SYNPR: variants seen among roughly 807,000 people sequenced by gnomAD.
SYNPR encodes the protein synaptoporin.
Under a neutral mutation model 32.9 loss-of-function variants are expected in SYNPR, and 23 were observed. The observed-to-expected ratio is 0.70, with a 90% CI of 0.50 to 0.99. SYNPR has a LOEUF of 0.99. SYNPR is among the 50% of genes least tolerant of loss of function. SYNPR has a pLI of 0.00. For synonymous variants in SYNPR, 146 were observed against 135.9 expected (o/e 1.07, Z -0.52); for missense variants, 318 against 349.3 (o/e 0.91, Z 0.71).
At chr3:63,448,176 G>C (rs1419220146) in intron 2 of SYNPR, among the ~76,000 whole-genome samples, 1 of 152,120 alleles carries the variant, frequency 6.6e-6, no homozygotes, top group Non-Finnish European at 1.5e-5. Flanking sequence ...GCTAATTTGT[G>C]TATTATTAGT....
chr3:63,522,285 C>T (rs557892376), intron 3 of SYNPR, among the ~76,000 whole-genome samples: 1 of 152,138 alleles, frequency 6.6e-6, no homozygotes, highest in African/African-American at 2.4e-5. Flanking sequence ...TCACTTTATC[C>T]AAGGAATTTC....
intron 2 of SYNPR, among the ~76,000 whole-genome samples, chr3:63,387,352 G>A (rs1347696665): frequency 6.6e-6 from 1 of 152,088 alleles, no homozygotes; most frequent in Admixed American, 6.6e-5. Context: ...AAATCTGTGA[G>A]GTCCGTAAAT....
chr3:63,562,554 T>C (rs898036385), intron 4 of SYNPR, among the ~76,000 whole-genome samples: 2 of 152,136 alleles, frequency 1.3e-5, no homozygotes, highest in African/African-American at 4.8e-5. Context: ...AGGCAAACAG[T>C]GGTATCACGG....
At chr3:63,264,593 A>G (rs2086465215) in intron 2 of SYNPR, among the ~76,000 whole-genome samples, 1 of 152,160 alleles carries the variant, frequency 6.6e-6, no homozygotes, top group South Asian at 2.1e-4. Flanking sequence ...AGGGCCTAAT[A>G]TTTTTGTTTT....
rs769571370 is a variant in SYNPR, at chr3:63,480,877, G to C, written c.130G>C (p.Gly44Arg). Residue 44 changes from glycine to arginine, a missense_variant, in exon 3 of 6, where the codon GGC becomes CGC. Physicochemically the swap from Gly to Arg is moderately radical, Grantham distance 125. Coordinates refer to ENST00000478300, the MANE Select transcript of SYNPR (RefSeq NM_001130003.2). ...TGCAACATGCGGTGGCTATTCTGGA[G>C]GCCTGCGGCTGAGTGTGGACTGCGT... is the stretch of plus-strand genomic sequence containing the variant. ...AFATCGGYSGGLRLSVDCVNK... is the reference protein window; with the variant it reads ...AFATCGGYSGRLRLSVDCVNK... The C allele has an allele frequency of 6.2e-7, 1 of 1,613,482 alleles. No individual in the cohort carries two copies. The highest frequency in any genetic ancestry group is 8.5e-7 in the Non-Finnish European group (1 of 1,179,638).
intron 2 of SYNPR, among the ~76,000 whole-genome samples, chr3:63,310,765 A>C (rs1299529869): frequency 1.3e-5 from 2 of 151,956 alleles, no homozygotes; most frequent in Non-Finnish European, 2.9e-5. Flanking sequence ...CCAGCCCTAG[A>C]ACAAGGTGTG....
upstream of SYNPR, among the ~76,000 whole-genome samples, chr3:63,277,808 C>T (rs1046855203): frequency 3.6e-4 from 55 of 152,206 alleles, no homozygotes; most frequent in Non-Finnish European, 6.5e-4. Context: ...TATTTTTCCC[C>T]TTTTGCTTCC....
chr3:63,513,456 T>G (rs530003110), intron 3 of SYNPR, among the ~76,000 whole-genome samples: 4 of 152,270 alleles, frequency 2.6e-5, no homozygotes, highest in African/African-American at 7.2e-5. Flanking sequence ...AGATCCCACT[T>G]TGTCCTTTTT....
intron 2 of SYNPR, among the ~76,000 whole-genome samples, chr3:63,329,536 A>T (rs2087203196): frequency 1.3e-5 from 2 of 152,212 alleles, no homozygotes; most frequent in African/African-American, 4.8e-5. Flanking sequence ...AATTAGAGAA[A>T]ATCTCAAAAT....
chr3:63,481,943 T>A (rs1559512564), intron 3 of SYNPR, among the ~76,000 whole-genome samples: 1 of 152,120 alleles, frequency 6.6e-6, no homozygotes, highest in East Asian at 1.9e-4. Flanking sequence ...CACTAAGAGA[T>A]GTGGCAGGAG....
chr3:63,270,530 A>G (rs2086525747), intron 3 of SYNPR, among the ~76,000 whole-genome samples: 1 of 152,190 alleles, frequency 6.6e-6, no homozygotes, highest in Non-Finnish European at 1.5e-5. Flanking sequence ...TAAAAGCCTC[A>G]TCAATATCTT....
chr3:63,223,693 T>G (rs1215687078), upstream of SYNPR, among the ~76,000 whole-genome samples: 1 of 152,236 alleles, frequency 6.6e-6, no homozygotes, highest in Admixed American at 6.5e-5. Flanking sequence ...CCATGTTATA[T>G]GTGCTATGCA....
At chr3:63,329,619 A>G (rs1322618883) in intron 2 of SYNPR, among the ~76,000 whole-genome samples, 1 of 152,152 alleles carries the variant, frequency 6.6e-6, no homozygotes, top group East Asian at 1.9e-4. Context: ...ACGTCTTAAG[A>G]CTATTTTTAC....
At chr3:63,611,255 C>T (rs772256989) in intron 5 of SYNPR, among the ~76,000 whole-genome samples, 3 of 152,182 alleles carry the variant, frequency 2.0e-5, no homozygotes, top group Non-Finnish European at 4.4e-5. Context: ...TCTAGATGTT[C>T]AGTACCAAAT....
At chr3:63,281,490 A>G (rs957083536) in intron 2 of SYNPR, among the ~76,000 whole-genome samples, 7 of 152,210 alleles carry the variant, frequency 4.6e-5, no homozygotes, top group Admixed American at 1.3e-4. Context: ...TGAATACTGG[A>G]AAGTCTAAGA....
chr3:63,443,744 A>G (rs958089443), intron 2 of SYNPR, among the ~76,000 whole-genome samples: 1 of 152,164 alleles, frequency 6.6e-6, no homozygotes, highest in Non-Finnish European at 1.5e-5. Flanking sequence ...GCAAACTTAT[A>G]TTTGCTTTAT....
chr3:63,497,664 C>A (rs1207756572), intron 3 of SYNPR, among the ~76,000 whole-genome samples: 1 of 151,722 alleles, frequency 6.6e-6, no homozygotes, highest in Non-Finnish European at 1.5e-5. Context: ...GGAATTCAGT[C>A]GCTCTGCAGA....
At chr3:63,231,168 A>T (rs931926122) in intron 1 of SYNPR, among the ~76,000 whole-genome samples, 1 of 152,208 alleles carries the variant, frequency 6.6e-6, no homozygotes, top group Admixed American at 6.5e-5. Flanking sequence ...ACTCAGCCAT[A>T]AAAAGGAACA....
intron 2 of SYNPR, among the ~76,000 whole-genome samples, chr3:63,436,934 T>G (rs976351408): frequency 3.3e-5 from 5 of 152,188 alleles, no homozygotes; most frequent in African/African-American, 1.2e-4. Flanking sequence ...TGAAGTGCAG[T>G]GGCACAATCT....
Sources: gnomAD v4.1 joint callset for allele counts (sites outside exome capture counted in the v4.1 genomes callset) on GRCh38, gnomAD v4.1.1 for gene constraint, MANE v1.5 for transcripts, NCBI Gene and HGNC (gene_info 2026-07-23, HGNC 2026-07-21) for gene names.